Variants in BCAS2 observed in about 807,000 individuals in gnomAD.
BCAS2 encodes BCAS2 pre-mRNA processing factor.
A neutral mutation model predicts 35.3 loss-of-function variants in BCAS2; 34 were observed. The observed-to-expected ratio is 0.96, with a 90% confidence interval of 0.73 to 1.28. BCAS2 has a LOEUF of 1.28. Ranked by LOEUF, BCAS2 falls within the 50% of genes most tolerant of loss-of-function variation. BCAS2 has a pLI of 0.00. For missense variants in BCAS2, 221 were observed against 268.1 expected (o/e 0.82, Z 1.23); for synonymous variants, 75 against 91.6 (o/e 0.82, Z 1.03).
chr1:114,572,416 C>G (rs1345834498), intron 4 of BCAS2, among the ~76,000 whole-genome samples: 1 of 152,180 alleles, frequency 6.6e-6, no homozygotes, highest in African/African-American at 2.4e-5. Context: ...TTGTCTTCTC[C>G]CTTCTCCCAC....
chr1:114,575,508 T>C, intron 4 of BCAS2, 82 bp downstream of exon 4: 5 of 1,396,160 alleles, frequency 3.6e-6, no homozygotes, highest in Admixed American at 2.5e-5. Flanking sequence ...CCCATACTTT[T>C]AAAATGTACT....
At chr1:114,577,559 G>T (rs139737496) in intron 2 of BCAS2, among the ~76,000 whole-genome samples, 10,274 of 152,142 alleles carry the variant, frequency 0.068, 415 homozygotes, top group Middle Eastern at 0.099. Flanking sequence ...TAGAGACAGG[G>T]TTTCACCATG....
intron 4 of BCAS2, among the ~76,000 whole-genome samples, chr1:114,573,768 TAGA>T: frequency 6.6e-6 from 1 of 152,240 alleles, no homozygotes; most frequent in Admixed American, 6.5e-5. Context: ...TTGCAATATA[TAGA>T]TATATAAAAG....
At chr1:114,577,167 A>C (rs1654787649) in intron 2 of BCAS2, among the ~76,000 whole-genome samples, 1 of 152,240 alleles carries the variant, frequency 6.6e-6, no homozygotes, top group Admixed American at 6.5e-5. Context: ...CAATCCATTC[A>C]TGGGTTAATA....
intron 4 of BCAS2, among the ~76,000 whole-genome samples, chr1:114,575,186 C>CTT (rs71090790): frequency 7.6e-5 from 6 of 79,320 alleles, no homozygotes; most frequent in Non-Finnish European, 1.2e-4. Context: ...TTTTTCTTTT[C>CTT]TTTTTTTTTT....
chr1:114,569,774 T>C (rs1483129130), intron 6 of BCAS2, among the ~76,000 whole-genome samples: 1 of 152,084 alleles, frequency 6.6e-6, no homozygotes, highest in Non-Finnish European at 1.5e-5. Context: ...TTAGCAATGG[T>C]TCAATTTAGC....
At chr1:114,578,301 CA>C (rs1654816620) in intron 2 of BCAS2, among the ~76,000 whole-genome samples, 1 of 151,890 alleles carries the variant, frequency 6.6e-6, no homozygotes, top group Non-Finnish European at 1.5e-5. Context: ...AAATTACACA[CA>C]ATCTTAAGAA....
intron 4 of BCAS2, among the ~76,000 whole-genome samples, chr1:114,572,417 C>G (rs549506544): frequency 7.2e-4 from 109 of 152,310 alleles, no homozygotes; most frequent in Middle Eastern, 3.4e-3. Flanking sequence ...TGTCTTCTCC[C>G]TTCTCCCACC....
intron 6 of BCAS2, 77 bp from the exon 7 acceptor site, chr1:114,568,333 C>T (rs1017210976): frequency 6.9e-7 from 1 of 1,443,668 alleles, no homozygotes; most frequent in South Asian, 1.3e-5. Context: ...TAAATGTATA[C>T]ACATGTTCAC....
At chr1:114,580,823 A>G (rs1405468329) in intron 2 of BCAS2, among the ~76,000 whole-genome samples, 1 of 152,224 alleles carries the variant, frequency 6.6e-6, no homozygotes, top group African/African-American at 2.4e-5. Context: ...AGATTACAGA[A>G]AAAAGGAGAA....
chr1:114,576,878 A>G, intron 2 of BCAS2, 120 bp from the exon 3 acceptor site: 1 of 672,842 alleles, frequency 1.5e-6, no homozygotes, highest in South Asian at 1.9e-5. Flanking sequence ...CCTTTCCCTA[A>G]TTCTTCTCTG....
At chr1:114,581,260 A>G in intron 2 of BCAS2, 39 bp downstream of exon 2, 1 of 1,599,862 alleles carries the variant, frequency 6.3e-7, no homozygotes, top group Non-Finnish European at 8.6e-7. Context: ...AAAGGTTCAC[A>G]GGAATTCTCG....
intron 4 of BCAS2, among the ~76,000 whole-genome samples, chr1:114,572,174 C>G (rs1296891745): frequency 6.6e-6 from 1 of 152,194 alleles, no homozygotes; most frequent in Non-Finnish European, 1.5e-5. Flanking sequence ...CTGTTGCTCA[C>G]CTGAGTTATT....
intron 4 of BCAS2, among the ~76,000 whole-genome samples, chr1:114,574,006 T>C (rs2101628158): frequency 6.6e-6 from 1 of 152,302 alleles, no homozygotes; most frequent in South Asian, 2.1e-4. Context: ...TCTTAAATTG[T>C]GAATAGACAC....
At chr1:114,580,992 C>A (rs1654875330) in intron 2 of BCAS2, among the ~76,000 whole-genome samples, 3 of 152,134 alleles carry the variant, frequency 2.0e-5, no homozygotes, top group Non-Finnish European at 4.4e-5. Flanking sequence ...AGATCACTTG[C>A]TGTAGAGTGA....
In BCAS2 at chr1:114,568,172, T is replaced by C. The variant is rs371451565; in HGVS notation, c.636A>G (p.Gln212=). The change falls in exon 7 of 7, where the codon CAA becomes CAG. Residue 212 remains glutamine (Q), a synonymous_variant. Coordinates refer to ENST00000369541, the MANE Select transcript of BCAS2 (RefSeq NM_005872.3). ...TGTTTTCTTTGTTTGCCTCTCCATG[T>C]TGCTGCTTAATTTGATAGATTTCAT... The part of the protein sequence containing the change: ...LENEIYQIKQ[Q]HGEANKENIR... The C allele has an allele frequency of 1.1e-4, 172 of 1,613,482 alleles. No individual in the cohort carries two copies. Among genetic ancestry groups the C allele is most frequent in the Non-Finnish European group, 1.3e-4 (155 of 1,179,998 alleles).
In BCAS2 at chr1:114,576,819, C is replaced by T. The variant is rs1336347510; in HGVS notation, c.187-61G>A. On this transcript the variant is annotated intron_variant, in intron 2 of 6. Transcript: ENST00000369541. Reference sequence around the variant, plus strand: ...ATGTTGACAACTAAAAATTAACAATCACCAAAGAACAGATTTAAGCTACAC... The same window carrying T: ...ATGTTGACAACTAAAAATTAACAATTACCAAAGAACAGATTTAAGCTACAC... The T allele has an allele frequency of 3.1e-6, 4 of 1,272,954 alleles. No homozygotes were observed. The Admixed American group carries it at 7.5e-5, about 24-fold the overall frequency. 78.9% of individuals were successfully genotyped at this position (1,272,954 alleles called of 1,614,324 possible). A position where few individuals can be genotyped will look rare whatever the true frequency, so the allele number is the denominator to read the frequency against.
intron 4 of BCAS2, 111 bp from the exon 5 acceptor site, chr1:114,570,861 G>A: frequency 3.9e-6 from 3 of 760,390 alleles, no homozygotes; most frequent in Non-Finnish European, 6.7e-6. Flanking sequence ...TCTGTGCCAA[G>A]AACTATGTTG....
At chr1:114,575,436 C>A (rs1283688602) in intron 4 of BCAS2, among the ~76,000 whole-genome samples, 154 bp downstream of exon 4, 1 of 151,762 alleles carries the variant, frequency 6.6e-6, no homozygotes, top group African/African-American at 2.4e-5. Flanking sequence ...CTCAAGCAAT[C>A]CACCCACCTC....
Sources: allele counts gnomAD v4.1 joint callset (sites outside exome capture counted in the v4.1 genomes callset), GRCh38; gene constraint gnomAD v4.1.1; transcripts MANE v1.5; gene names NCBI Gene and HGNC (gene_info 2026-07-23, HGNC 2026-07-21).